SP140L: variants seen among roughly 807,000 people sequenced by gnomAD.
SP140L encodes nuclear body protein SP140-like protein.
In SP140L, 64 loss-of-function variants were observed where a neutral mutation model predicts 84.3. The observed-to-expected ratio is 0.76, with a 90% CI of 0.62 to 0.94. The LOEUF is 0.94. Among genes scored for constraint, SP140L ranks in the 40% least tolerant of loss-of-function variants. The pLI is 0.00. For missense variants in SP140L, 628 were observed against 692.5 expected (o/e 0.91, Z 1.05); for synonymous variants, 242 against 236.9 (o/e 1.02, Z -0.20).
chr2:230,359,489 A>G (rs1295149071), intron 4 of SP140L, among the ~76,000 whole-genome samples: 1 of 152,156 alleles, frequency 6.6e-6, no homozygotes, highest in Non-Finnish European at 1.5e-5. Context: ...ATTGACTACT[A>G]CCTGCCTTGA....
At chr2:230,375,422 T>C (rs1231261146) in intron 7 of SP140L, among the ~76,000 whole-genome samples, 1 of 152,196 alleles carries the variant, frequency 6.6e-6, no homozygotes, top group African/African-American at 2.4e-5. Flanking sequence ...CCAAATTAGA[T>C]TTCTGAATGG....
chr2:230,382,819 C>A (rs537079586), intron 7 of SP140L, among the ~76,000 whole-genome samples: 138 of 152,344 alleles, frequency 9.1e-4, no homozygotes, highest in Middle Eastern at 3.4e-3. Flanking sequence ...TACTGCCCTC[C>A]CATAGTGTGC....
intron 2 of SP140L, among the ~76,000 whole-genome samples, chr2:230,337,460 T>C (rs965166187): frequency 4.6e-5 from 7 of 151,578 alleles, no homozygotes; most frequent in African/African-American, 1.5e-4. Context: ...TTCACTCTGA[T>C]GGTAGTTTCT....
chr2:230,397,354 A>G (rs1318568475), intron 14 of SP140L, among the ~76,000 whole-genome samples: 2 of 152,216 alleles, frequency 1.3e-5, no homozygotes, highest in South Asian at 4.1e-4. Flanking sequence ...GGTCCTTTAC[A>G]GAGCCCCTAT....
At chr2:230,356,211 A>G (rs938186216) in intron 2 of SP140L, among the ~76,000 whole-genome samples, 2 of 152,310 alleles carry the variant, frequency 1.3e-5, no homozygotes, top group East Asian at 3.9e-4. Flanking sequence ...AAATGGTTAA[A>G]TGTACTCTTA....
intron 2 of SP140L, among the ~76,000 whole-genome samples, chr2:230,330,364 A>T (rs1432706296): frequency 6.6e-6 from 1 of 152,180 alleles, no homozygotes; most frequent in African/African-American, 2.4e-5. Flanking sequence ...CTGGCCTGTA[A>T]GAGCCTCTTC....
chr2:230,378,990 T>G (rs2061328844), intron 7 of SP140L, among the ~76,000 whole-genome samples: 1 of 152,206 alleles, frequency 6.6e-6, no homozygotes, highest in African/African-American at 2.4e-5. Context: ...TTTCTTTTCT[T>G]TTATCATTAT....
At chr2:230,391,990 C>A in intron 11 of SP140L, 97 bp from the exon 12 acceptor site, 2 of 1,531,560 alleles carry the variant, frequency 1.3e-6, no homozygotes, top group Non-Finnish European at 1.8e-6. Flanking sequence ...TGATCTTCAT[C>A]ACAAATTGGG....
intron 2 of SP140L, among the ~76,000 whole-genome samples, chr2:230,354,746 G>C (rs576227350): frequency 7.1e-6 from 1 of 140,884 alleles, no homozygotes; most frequent in Admixed American, 7.7e-5. Flanking sequence ...CTGCACTCCA[G>C]CCTGGAAAAC....
At chr2:230,379,831 A>G (rs1478903726) in intron 7 of SP140L, among the ~76,000 whole-genome samples, 5 of 152,238 alleles carry the variant, frequency 3.3e-5, no homozygotes, top group Non-Finnish European at 4.4e-5. Context: ...TATTGTAACT[A>G]TAACTTTTTG....
intron 2 of SP140L, among the ~76,000 whole-genome samples, chr2:230,357,423 T>TA (rs2060581620): frequency 6.6e-6 from 1 of 152,222 alleles, no homozygotes; most frequent in African/African-American, 2.4e-5. Flanking sequence ...TTTTCAAGGT[T>TA]AGATTTTTAT....
intron 2 of SP140L, among the ~76,000 whole-genome samples, chr2:230,350,178 G>A (rs1033563218): frequency 5.3e-5 from 8 of 152,066 alleles, no homozygotes; most frequent in South Asian, 2.1e-4. Flanking sequence ...GGGTGTAGTC[G>A]TTTCATGCCT....
rs777528355 is a variant in SP140L, at chr2:230,392,249, C to G, written c.1107+20C>G. 1.2e-6 allele frequency: 2 copies of G among 1,613,074 alleles called. No homozygotes were observed. The highest frequency in any genetic ancestry group is 1.7e-6 in the Non-Finnish European group (2 of 1,179,728). On this transcript the variant is annotated intron_variant, in intron 12 of 18. Coordinates refer to ENST00000415673, the MANE Select transcript of SP140L (RefSeq NM_138402.6). ...ATGGAGGTATTCCAATGACAAGAGG[C>G]CAGACCTGTGCCCATTCTTCTTGTT...
intron 2 of SP140L, among the ~76,000 whole-genome samples, chr2:230,349,971 T>C (rs2060318207): frequency 6.6e-6 from 1 of 152,266 alleles, no homozygotes; most frequent in Admixed American, 6.5e-5. Context: ...ATCAAGCCAC[T>C]GCACTCCAGC....
At position 230,401,057 on chromosome 2, in the gene SP140L, A is replaced by G; in HGVS notation, c.1416A>G (p.Glu472=). 1 of 1,283,988 alleles carries G rather than the reference A, an allele frequency of 7.8e-7. No homozygotes were observed. The highest frequency in any genetic ancestry group is 2.2e-5 in the Admixed American group (1 of 44,700). The allele number at this position is 1,283,988 out of a possible 1,614,324, so 79.5% of individuals were successfully genotyped here. ...EVLERQMCPE[E]QLKCEFLLLK... ...TGGAGAGGCAGATGTGTCCTGAGGA[A>G]CAGTTGGTAAATCAGATGCAAACCC... The change falls in exon 16 of 19, where the codon GAA becomes GAG. Residue 472 remains glutamate, a synonymous_variant. Coordinates refer to ENST00000415673, the MANE Select transcript of SP140L (RefSeq NM_138402.6).
intron 5 of SP140L, 40 bp downstream of exon 5, chr2:230,361,737 G>T: frequency 6.8e-7 from 1 of 1,464,838 alleles, no homozygotes; most frequent in South Asian, 1.2e-5. Context: ...CATCCGCTAA[G>T]AGGAAAAGGA....
intron 4 of SP140L, among the ~76,000 whole-genome samples, chr2:230,361,354 C>T (rs944233512): frequency 6.6e-6 from 1 of 152,218 alleles, no homozygotes; most frequent in Non-Finnish European, 1.5e-5. Context: ...ACCCTGCCAT[C>T]TGACAATTTT....
chr2:230,355,779 AG>A (rs1231878167), intron 2 of SP140L, among the ~76,000 whole-genome samples: 5 of 152,162 alleles, frequency 3.3e-5, no homozygotes, highest in African/African-American at 7.2e-5. Context: ...AATTCTTCTT[AG>A]TACACTAAAG....
At chr2:230,374,272 C>T (rs933078973) in intron 7 of SP140L, among the ~76,000 whole-genome samples, 1 of 149,980 alleles carries the variant, frequency 6.7e-6, no homozygotes, top group Non-Finnish European at 1.5e-5. Flanking sequence ...GCAGAGGTTG[C>T]ACCACTGCAC....
Sources: allele counts gnomAD v4.1 joint callset (sites outside exome capture counted in the v4.1 genomes callset), GRCh38; gene constraint gnomAD v4.1.1; transcripts MANE v1.5; gene names NCBI Gene and HGNC (gene_info 2026-07-23, HGNC 2026-07-21).